Variants in SLC25A47 observed in about 807,000 individuals in gnomAD.
The protein encoded by SLC25A47 is HCC-down-regulated mitochondrial carrier protein.
Under a neutral mutation model 29.8 loss-of-function variants are expected in SLC25A47, and 30 were observed. That is an observed-to-expected ratio of 1.01 (90% confidence interval 0.75 to 1.36). The LOEUF (loss-of-function observed/expected upper bound fraction) is 1.36, where lower values mean the gene tolerates loss of function less well. Among genes scored for constraint, SLC25A47 ranks in the 40% most tolerant of loss-of-function variants. The pLI, the probability that SLC25A47 is intolerant of heterozygous loss-of-function variation, is 0.00. For missense variants in SLC25A47, 430 were observed against 441.9 expected, an observed-to-expected ratio of 0.97 and a Z score of 0.24; for synonymous variants, 204 against 197.8, an observed-to-expected ratio of 1.03 and a Z score of -0.26.
In SLC25A47 at chr14:100,328,746, T is replaced by C; in HGVS notation, c.348T>C (p.Thr116=). 4 of 1,613,000 alleles carry C rather than the reference T, an allele frequency of 2.5e-6. No individual in the cohort carries two copies. The highest frequency in any genetic ancestry group is 1.3e-5 in the African/African-American group (1 of 75,068). The change falls in exon 5 of 6, where the codon ACT becomes ACC. Residue 116 remains threonine (T), a synonymous_variant. Transcript: ENST00000361529. ...GLVRVFLTSP[T]EVAKVRLQTQ... is the part of the protein sequence containing the mutation. ...TCCAGGTGTTCCTGACGTCGCCCAC[T>C]GAGGTGGCCAAAGTCCGCTTGCAGA...
intron 5 of SLC25A47, 89 bp downstream of exon 5, chr14:100,329,133 G>A: frequency 6.9e-7 from 1 of 1,453,980 alleles, no homozygotes. Context: ...GTACCCGAGT[G>A]GGGGCTTGAA....
Position 100,327,202 on chromosome 14 carries a change from C to T in SLC25A47, c.159C>T (p.Tyr53=), listed in dbSNP as rs1400541393. ...CTGTCTGCTAGGTGTGGGGCTTCTA[C>T]CGGGGCCTCTCGCTGCCCGTGTGCA... ...TYHRERVWGF[Y]RGLSLPVCTV... Residue 53 remains tyrosine, a synonymous_variant, in exon 4 of 6, where the codon TAC becomes TAT. Transcript: ENST00000361529. The T allele has an allele frequency of 1.2e-6, 2 of 1,606,798 alleles. No homozygotes were observed. Among genetic ancestry groups the T allele is most frequent in the East Asian group, 4.5e-5 (2 of 44,842 alleles).
rs140210146 is a variant in SLC25A47, at chr14:100,329,706, G to C, written c.*61G>C. The C allele has an allele frequency of 9.9e-4, 1,547 of 1,557,902 alleles. 10 individuals carry two copies. The highest frequency in any genetic ancestry group is 5.7e-3 in the Middle Eastern group (25 of 4,378). ...CTGCTGGAGGTCGTAGTGGCTGGAG[G>C]AGGCAAGGGGTAGTGTGGCTGGGTT... On this transcript the variant is annotated 3_prime_UTR_variant, in exon 6 of 6. Transcript: ENST00000361529.
Position 100,326,221 on chromosome 14 carries a change from G to C in SLC25A47, c.137G>C (p.Arg46Pro), listed in dbSNP as rs767717001. 2 of 1,613,722 alleles carry C rather than the reference G, an allele frequency of 1.2e-6. No homozygotes were observed. Among genetic ancestry groups the C allele is most frequent in the Non-Finnish European group, 1.7e-6 (2 of 1,179,914 alleles). ...CACTGCGTCCGGGATACGTATCACC[G>C]AGAGCGCGTAGGTCTGGGGCCAGGG... ...IWHCVRDTYH[R>P]ERVWGFYRGL... Residue 46 changes from arginine (R) to proline (P), a missense_variant, in exon 3 of 6, where the codon CGA (arginine) becomes CCA (proline). Coordinates refer to ENST00000361529, the MANE Select transcript of SLC25A47 (RefSeq NM_207117.4).
intron 3 of SLC25A47, 25 bp downstream of exon 3, chr14:100,326,253 T>G (rs956019256): frequency 6.2e-7 from 1 of 1,606,934 alleles, no homozygotes; most frequent in Non-Finnish European, 8.5e-7. Flanking sequence ...AGGGGCTGGG[T>G]AGGGAGACAG....
chr14:100,325,459 C>T (rs1167275260), intron 1 of SLC25A47, among the ~76,000 whole-genome samples: 1 of 152,234 alleles, frequency 6.6e-6, no homozygotes, highest in Non-Finnish European at 1.5e-5. Context: ...ATCAAACGTT[C>T]TCTCAGAGCA....
chr14:100,327,166 TGACCTG>T lies in SLC25A47; in HGVS notation c.145-19_145-14del. The T allele has an allele frequency of 6.3e-7, 1 of 1,584,958 alleles. No individual in the cohort carries two copies. Among genetic ancestry groups the T allele is most frequent in the East Asian group, 2.2e-5 (1 of 44,536 alleles). ...TCCTCCTCCTGGCGGGGCCCTAGCC[TGACCTG>T]GATCCTGTCTGCTAGGTGTGGGGCT... is the stretch of plus-strand genomic sequence containing the variant. On this transcript the variant is annotated splice_polypyrimidine_tract_variant and intron_variant, in intron 3 of 5. Coordinates refer to ENST00000361529, the MANE Select transcript of SLC25A47 (RefSeq NM_207117.4).
At chr14:100,327,434 A>G in intron 4 of SLC25A47, 64 bp downstream of exon 4, 2 of 1,500,584 alleles carry the variant, frequency 1.3e-6, no homozygotes, top group Non-Finnish European at 1.8e-6. Context: ...GAGGTTATCC[A>G]TCCTGGCAGG....
In SLC25A47 at chr14:100,326,162, G is replaced by T; in HGVS notation, c.78G>T (p.Arg26Ser). The T allele has an allele frequency of 6.2e-7, 1 of 1,613,528 alleles. No individual in the cohort carries two copies. Among genetic ancestry groups the T allele is most frequent in the South Asian group, 1.1e-5 (1 of 90,900 alleles). Residue 26 changes from arginine to serine, a missense_variant, in exon 3 of 6, where the codon AGG (arginine) becomes AGT (serine). By Grantham distance (110) the Arg-to-Ser change is moderately radical (BLOSUM62 -1). Transcript: ENST00000361529. Reference sequence around the variant, plus strand: ...GAAGCCCACTTCTCCTGCAGGTCAGGATCCAGACGGAGCCAAAGTACACAG... The same window carrying T: ...GAAGCCCACTTCTCCTGCAGGTCAGTATCCAGACGGAGCCAAAGTACACAG... ...VGYPLDTVKVRIQTEPKYTGI... is the reference protein window; with the variant it reads ...VGYPLDTVKVSIQTEPKYTGI...
In SLC25A47 at chr14:100,325,789, C is replaced by T. The variant is rs35097172; in HGVS notation, c.30C>T (p.Gly10=). 0.22 allele frequency: 347,442 copies of T among 1,610,566 alleles called. 39,581 individuals are homozygous for T. The highest frequency in any genetic ancestry group is 0.24 in the Non-Finnish European group (282,999 of 1,177,806). MDFVAGAIG[G]VCGVAVGYPL... Reference sequence around the variant, plus strand: ...CGTGGGCCTCTTCTTTCCTTGCAGGCGTCTGCGGTGTTGCTGTGGGCTACC... The same window carrying T: ...CGTGGGCCTCTTCTTTCCTTGCAGGTGTCTGCGGTGTTGCTGTGGGCTACC... Residue 10 remains glycine (G), a splice_region_variant and synonymous_variant, in exon 2 of 6, where the codon GGC becomes GGT. Coordinates refer to ENST00000361529, the MANE Select transcript of SLC25A47 (RefSeq NM_207117.4).
At chr14:100,325,704 C>G in intron 1 of SLC25A47, 84 bp from the exon 2 acceptor site, 1 of 1,427,550 alleles carries the variant, frequency 7.0e-7, no homozygotes, top group Admixed American at 2.0e-5. Context: ...AGTCAGCGTG[C>G]GCTCTGCTTC....
chr14:100,329,734 G>T lies in SLC25A47; in HGVS notation c.*89G>T. 1 of 1,491,254 alleles carries T rather than the reference G, an allele frequency of 6.7e-7. No homozygotes were observed. 92.4% of individuals were successfully genotyped at this position (1,491,254 alleles called of 1,614,324 possible). A position where few individuals can be genotyped will look rare whatever the true frequency, so the allele number is the denominator to read the frequency against. ...GCAAGGGGTAGTGTGGCTGGGTTCGGGACCCCACAGGGCCATTGCCCAGGA... is the reference window on the plus strand; with the variant it reads ...GCAAGGGGTAGTGTGGCTGGGTTCGTGACCCCACAGGGCCATTGCCCAGGA... On this transcript the variant is annotated 3_prime_UTR_variant, in exon 6 of 6. Coordinates refer to ENST00000361529, the MANE Select transcript of SLC25A47 (RefSeq NM_207117.4).
chr14:100,326,925 G>A (rs1893349096), intron 3 of SLC25A47, among the ~76,000 whole-genome samples: 1 of 152,062 alleles, frequency 6.6e-6, no homozygotes, highest in Admixed American at 6.5e-5. Context: ...AGTGAGTTAA[G>A]ATCGTGCCAC....
rs775238474 is a variant in SLC25A47 at position 100,329,571 on chromosome 14, G to C, written c.853G>C (p.Ala285Pro). 15 of 1,613,654 alleles carry C rather than the reference G, an allele frequency of 9.3e-6. No individual in the cohort carries two copies. The highest frequency in any genetic ancestry group is 1.2e-5 in the Non-Finnish European group (14 of 1,180,014). ...FKGLVLNCCR[A>P]FPVNMVVFVA... ...GGGGCTGGTACTCAATTGCTGCCGC[G>C]CCTTCCCTGTCAACATGGTGGTCTT... The change falls in exon 6 of 6, where the codon GCC becomes CCC. Residue 285 changes from alanine (A) to proline (P), a missense_variant. Ala to Pro is a conservative substitution (Grantham distance 27). Coordinates refer to ENST00000361529, the MANE Select transcript of SLC25A47 (RefSeq NM_207117.4).
chr14:100,328,844 C>A lies in SLC25A47; in HGVS notation c.446C>A (p.Pro149His), dbSNP rs781641791. Residue 149 changes from proline (P) to histidine (H), a missense_variant, in exon 5 of 6, where the codon CCT becomes CAT. Transcript: ENST00000361529. ...CCGTTGGCTGTGCCCCCCATGTGTC[C>A]TGTGCCCCCAGCCTGCCCAGAGCCC... ...SGPLAVPPMC[P>H]VPPACPEPKY... The A allele has an allele frequency of 6.2e-7, 1 of 1,612,512 alleles. No homozygotes were observed. Among genetic ancestry groups the A allele is most frequent in the Admixed American group, 1.7e-5 (1 of 60,010 alleles).
Position 100,330,046 on chromosome 14 carries a change from A to G in SLC25A47, c.*401A>G. ...CCATTCCTAGACCCTCACCCCCACC[A>G]CTGTTCCTGTGTCTTCACGAGCTGT... On this transcript the variant is annotated 3_prime_UTR_variant, in exon 6 of 6. Transcript: ENST00000361529. 4.5e-6 allele frequency: 1 copy of G among 222,390 alleles called. No homozygotes were observed. The highest frequency in any genetic ancestry group is 1.8e-3 in the Middle Eastern group (1 of 566). The allele number at this position is 222,390 out of a possible 1,614,324, so 13.8% of individuals were successfully genotyped here. A position where few individuals can be genotyped will look rare whatever the true frequency, so the allele number is the denominator to read the frequency against.
chr14:100,327,137 T>G, intron 3 of SLC25A47, 51 bp from the exon 4 acceptor site: 1 of 1,527,650 alleles, frequency 6.5e-7, no homozygotes, highest in Non-Finnish European at 8.8e-7. Context: ...CTCCCTCGGG[T>G]GGCTCCTCCT....
chr14:100,324,890 T>C lies in SLC25A47; in HGVS notation c.29-898T>C, dbSNP rs536943781. Among the ~76,000 whole-genome samples, 18 of 152,262 alleles carry C rather than the reference T, an allele frequency of 1.2e-4. No homozygotes were observed. In the South Asian group the frequency reaches 3.7e-3, roughly 32 times the overall value. The stretch of plus-strand genomic sequence containing the variant: ...AGGAGGTAGTGTCGTGGCAGGGCTT[T>C]GATGGATGAGTAGGAGCCTGGTGAG... On this transcript the variant is annotated intron_variant, in intron 1 of 5. Transcript: ENST00000361529.
intron 1 of SLC25A47, 110 bp downstream of exon 1, chr14:100,323,552 C>T: frequency 3.0e-6 from 4 of 1,313,024 alleles, no homozygotes; most frequent in Non-Finnish European, 4.3e-6. Flanking sequence ...AGGAGCCCCT[C>T]ACCCCCCAGG....
Sources: allele counts gnomAD v4.1 joint callset (sites outside exome capture counted in the v4.1 genomes callset), GRCh38; gene constraint gnomAD v4.1.1; transcripts MANE v1.5; gene names NCBI Gene and HGNC (gene_info 2026-07-23, HGNC 2026-07-21).